MGAT3: variants seen among roughly 807,000 people sequenced by gnomAD.
MGAT3 encodes GlcNAc-T III.
MGAT3 carries 9 observed loss-of-function variants against 29.8 expected under a neutral mutation model. The observed-to-expected ratio is 0.30, with a 90% CI of 0.18 to 0.53. The LOEUF (loss-of-function observed/expected upper bound fraction) is 0.53, where lower values mean the gene tolerates loss of function less well. MGAT3 is among the 20% of genes least tolerant of loss of function. The pLI is 0.96. For missense variants in MGAT3, 557 were observed against 769.5 expected (o/e 0.72, Z 3.27); for synonymous variants, 397 against 348.9 (o/e 1.14, Z -1.54).
chr22:39,472,428 A>G lies in MGAT3; in HGVS notation c.-2+14871A>G, dbSNP rs542732821. ...TATCCTCGTCCCACTGAGAATGTCC[A>G]GTAGCCCCTCTGGGAGTCGGGGTGC... On this transcript the variant is annotated intron_variant, in intron 1 of 1. Transcript: ENST00000341184. Among the ~76,000 whole-genome samples, 823 of 152,272 alleles carry G rather than the reference A, an allele frequency of 5.4e-3. 12 individuals carry two copies. Among genetic ancestry groups the G allele is most frequent in the African/African-American group, 0.019 (796 of 41,550 alleles).
At chr22:39,458,365 C>T (rs1021497327) in intron 1 of MGAT3, among the ~76,000 whole-genome samples, 1 of 152,068 alleles carries the variant, frequency 6.6e-6, no homozygotes, top group African/African-American at 2.4e-5. Context: ...CCTGAAGGCC[C>T]CTGATGGGGT....
chr22:39,461,929 G>A (rs1016941753), intron 1 of MGAT3, among the ~76,000 whole-genome samples: 7 of 149,392 alleles, frequency 4.7e-5, no homozygotes, highest in Non-Finnish European at 8.9e-5. Context: ...TTTGAGAAGA[G>A]TCTCACTCTG....
At position 39,481,081 on chromosome 22, in the gene MGAT3, C is replaced by A. The variant is rs577225725; in HGVS notation, c.-1-6266C>A. ...GAATCCTCCAGTGAAAGCCACACTTCGAACCATGCCTCCAGGCCCTGTGAT... is the reference window on the plus strand; with the variant it reads ...GAATCCTCCAGTGAAAGCCACACTTAGAACCATGCCTCCAGGCCCTGTGAT... On this transcript the variant is annotated intron_variant, in intron 1 of 1. Coordinates refer to ENST00000341184, the MANE Select transcript of MGAT3 (RefSeq NM_002409.5). Among the ~76,000 whole-genome samples, 21 of 152,370 alleles carry A rather than the reference C, an allele frequency of 1.4e-4. No homozygotes were observed. In the South Asian group the frequency reaches 1.9e-3, roughly 14 times the overall value.
chr22:39,486,031 C>T (rs1324656483), intron 1 of MGAT3: 1 of 325,832 alleles, frequency 3.1e-6, no homozygotes, highest in Non-Finnish European at 5.9e-6. Context: ...TTAAATCTAT[C>T]ATTGATTGAG....
chr22:39,467,152 G>C (rs1431778801), intron 1 of MGAT3, among the ~76,000 whole-genome samples: 1 of 152,222 alleles, frequency 6.6e-6, no homozygotes, highest in Non-Finnish European at 1.5e-5. Context: ...AGTCCTCTAG[G>C]CACCTTGTGC....
intron 1 of MGAT3, among the ~76,000 whole-genome samples, chr22:39,468,714 A>G (rs1234278218): frequency 6.7e-6 from 1 of 150,148 alleles, no homozygotes; most frequent in Non-Finnish European, 1.5e-5. Context: ...TCATTCAACA[A>G]ACTCAGGGTG....
intron 1 of MGAT3, among the ~76,000 whole-genome samples, chr22:39,459,429 G>T (rs1231836838): frequency 6.6e-6 from 1 of 152,006 alleles, no homozygotes; most frequent in Non-Finnish European, 1.5e-5. Context: ...AGCTTTCTGA[G>T]CCTCGGTTTC....
At chr22:39,471,874 C>T (rs1928820874) in intron 1 of MGAT3, among the ~76,000 whole-genome samples, 1 of 152,176 alleles carries the variant, frequency 6.6e-6, no homozygotes. Flanking sequence ...GGAAATTCCT[C>T]TCCAGGCTTA....
chr22:39,464,249 C>T (rs1004524490), intron 1 of MGAT3, among the ~76,000 whole-genome samples: 6 of 152,176 alleles, frequency 3.9e-5, no homozygotes, highest in Non-Finnish European at 5.9e-5. Context: ...GGTGAGTCCT[C>T]ATCTTGCTAC....
intron 1 of MGAT3, among the ~76,000 whole-genome samples, chr22:39,481,643 G>A (rs1017546886): frequency 6.6e-6 from 1 of 152,218 alleles, no homozygotes; most frequent in African/African-American, 2.4e-5. Context: ...GTCTTCACTG[G>A]TCACAGGTGG....
intron 1 of MGAT3, among the ~76,000 whole-genome samples, chr22:39,459,083 T>TTCTTTTCTTTTCTTTTCTTTTC (rs1568997696): frequency 1.3e-3 from 192 of 147,020 alleles, no homozygotes; most frequent in African/African-American, 4.7e-3. Context: ...TTTTTTTTTT[T>TTCTTTTCTTTTCTTTTCTTTTC]TTTTTTTTGA....
In MGAT3 at chr22:39,487,410, C is replaced by T. The variant is rs765677764; in HGVS notation, c.63C>T (p.Ser21=). 1.9e-6 allele frequency: 3 copies of T among 1,613,824 alleles called. No individual in the cohort carries two copies. Among genetic ancestry groups the T allele is most frequent in the Non-Finnish European group, 2.5e-6 (3 of 1,180,010 alleles). ...GTATGGCCGGCCTGTGCCTCATCTC[C>T]TTCCTGCACTTCTTCAAGACCCTGT... is the stretch of plus-strand genomic sequence containing the variant. ...MFCMAGLCLI[S]FLHFFKTLSY... Residue 21 remains serine, a synonymous_variant, in exon 2 of 2, where the codon TCC becomes TCT. Transcript: ENST00000341184. The surrounding 1 kb of genome is among the most constrained non-coding windows in gnomAD (Gnocchi z 5.7).
chr22:39,485,774 G>A (rs1264984747), intron 1 of MGAT3, among the ~76,000 whole-genome samples: 1 of 152,032 alleles, frequency 6.6e-6, no homozygotes. Context: ...GGGCGACAGA[G>A]CAAGACTCTG....
chr22:39,489,038 C>A lies in MGAT3; in HGVS notation c.*89C>A. The A allele has an allele frequency of 1.7e-5, 14 of 829,878 alleles. No individual in the cohort carries two copies. Among genetic ancestry groups the A allele is most frequent in the Admixed American group, 6.6e-5 (2 of 30,216 alleles). 51.4% of individuals were successfully genotyped at this position (829,878 alleles called of 1,614,324 possible). On this transcript the variant is annotated 3_prime_UTR_variant, in exon 2 of 2. Transcript: ENST00000341184. ...CCTGCCTCCTGCCGGCTCCTTGGTT[C>A]TTGAGGGGACCAGGAGTGGGTGGGG...
chr22:39,468,400 A>G (rs1928715469), intron 1 of MGAT3, among the ~76,000 whole-genome samples: 1 of 152,190 alleles, frequency 6.6e-6, no homozygotes, highest in Admixed American at 6.5e-5. Context: ...GCTGTGGTTC[A>G]GACGCTGGCA....
intron 1 of MGAT3, among the ~76,000 whole-genome samples, chr22:39,479,031 T>C (rs1316512316): frequency 1.3e-5 from 2 of 152,218 alleles, no homozygotes; most frequent in Non-Finnish European, 2.9e-5. Flanking sequence ...ACCTGGCCCA[T>C]GCTCTACCAC....
intron 1 of MGAT3, among the ~76,000 whole-genome samples, chr22:39,479,379 C>G (rs548879605): frequency 1.4e-4 from 22 of 152,306 alleles, no homozygotes; most frequent in Non-Finnish European, 2.4e-4. Flanking sequence ...GCCCCTGGGG[C>G]TGGGCACAAC....
In MGAT3 at chr22:39,457,058, G is replaced by A. The variant is rs1928345484; in HGVS notation, c.-501G>A. Among the ~76,000 whole-genome samples, 1 of 150,060 alleles carries A rather than the reference G, an allele frequency of 6.7e-6. No individual in the cohort carries two copies. Among genetic ancestry groups the A allele is most frequent in the Non-Finnish European group, 1.5e-5 (1 of 67,392 alleles). The stretch of plus-strand genomic sequence containing the variant: ...CACGCACACACTCGATCCAGCACGC[G>A]CGGGCGGCGCGGGGCGGCGGCGGCC... On this transcript the variant is annotated 5_prime_UTR_variant, in exon 1 of 2. Transcript: ENST00000341184. This position sits in a 1 kb window ranked among gnomAD's most constrained non-coding sequence, Gnocchi z 6.8.
In MGAT3 at chr22:39,488,921, G is replaced by C. The variant is rs376605884; in HGVS notation, c.1574G>C (p.Arg525Pro). 6.2e-7 allele frequency: 1 copy of C among 1,605,298 alleles called. No homozygotes were observed. The highest frequency in any genetic ancestry group is 8.5e-7 in the Non-Finnish European group (1 of 1,176,444). Residue 525 changes from arginine (R) to proline (P), a missense_variant, in exon 2 of 2, where the codon CGG (arginine) becomes CCG (proline). Arg to Pro is a moderately radical substitution (Grantham distance 103, BLOSUM62 -2). This residue lies in a region of MGAT3 where 102 missense variants were observed against 97.0 expected (regional missense o/e 1.05). Coordinates refer to ENST00000341184, the MANE Select transcript of MGAT3 (RefSeq NM_002409.5). ...GGTCCCGAGGGAAGGCCGCCCGCCC[G>C]GGGCAAACTGGACGAGGCGGAAGTC... ...HRGPEGRPPA[R>P]GKLDEAEV
Sources: gnomAD v4.1 joint callset for allele counts (sites outside exome capture counted in the v4.1 genomes callset) on GRCh38, gnomAD v4.1.1 for gene constraint, gnomAD v4.1.1 regional missense constraint, Gnocchi (gnomAD v3.1) non-coding constraint, MANE v1.5 for transcripts, NCBI Gene and HGNC (gene_info 2026-07-23, HGNC 2026-07-21) for gene names.